Variants in CERS6 observed in about 807,000 individuals in gnomAD.
CERS6 encodes LAG1 homolog, ceramide synthase 6.
CERS6 carries 26 observed loss-of-function variants against 56.8 expected under a neutral mutation model. The observed-to-expected ratio is 0.46, with a 90% CI of 0.34 to 0.63. The LOEUF is 0.63. CERS6 is among the 30% of genes least tolerant of loss of function. The pLI, the probability that CERS6 is intolerant of heterozygous loss-of-function variation, is 0.01. For missense variants in CERS6, 415 were observed against 467.5 expected, an observed-to-expected ratio of 0.89 and a Z score of 1.04; for synonymous variants, 164 against 173.3, an observed-to-expected ratio of 0.95 and a Z score of 0.42.
chr2:168,668,601 C>T (rs1047465736), intron 4 of CERS6, among the ~76,000 whole-genome samples: 8 of 152,084 alleles, frequency 5.3e-5, no homozygotes, highest in African/African-American at 1.9e-4. Context: ...TACCTGCCAC[C>T]GTGCCCAGCC....
chr2:168,767,907 C>T (rs1431433670), intron 9 of CERS6, among the ~76,000 whole-genome samples: 3 of 152,164 alleles, frequency 2.0e-5, no homozygotes, highest in African/African-American at 7.2e-5. Context: ...GGGAGGCCAC[C>T]AGGTCTCTTT....
intron 8 of CERS6, among the ~76,000 whole-genome samples, chr2:168,723,955 C>CA (rs1489012237): frequency 6.6e-6 from 1 of 152,156 alleles, no homozygotes; most frequent in East Asian, 1.9e-4. Flanking sequence ...ATCAAATAAT[C>CA]AAATATTTAG....
At chr2:168,618,552 G>T (rs546235833) in intron 3 of CERS6, among the ~76,000 whole-genome samples, 10 of 152,226 alleles carry the variant, frequency 6.6e-5, no homozygotes, top group African/African-American at 2.4e-4. Flanking sequence ...CAAAATTAAT[G>T]TACACAAGTC....
intron 8 of CERS6, among the ~76,000 whole-genome samples, chr2:168,760,908 A>G (rs1684562531): frequency 6.6e-6 from 1 of 152,144 alleles, no homozygotes; most frequent in Non-Finnish European, 1.5e-5. Context: ...GGCGCCCGCC[A>G]CCACGCCCGG....
chr2:168,736,366 G>A (rs1313409838), intron 8 of CERS6, among the ~76,000 whole-genome samples: 10 of 152,016 alleles, frequency 6.6e-5, no homozygotes, highest in African/African-American at 1.9e-4. Flanking sequence ...TTGCTCTGTT[G>A]CCCAGGCTGG....
At chr2:168,764,224 G>A (rs1186821215) in intron 8 of CERS6, among the ~76,000 whole-genome samples, 2 of 151,884 alleles carry the variant, frequency 1.3e-5, no homozygotes, top group African/African-American at 2.4e-5. Context: ...CTCACTGCAA[G>A]CCCCACCTCC....
In CERS6 at chr2:168,691,042, G is replaced by GT. The variant is rs760752718; in HGVS notation, c.476dup (p.Leu159PhefsTer19). 6.2e-7 allele frequency: 1 copy of GT among 1,613,142 alleles called. No individual in the cohort carries two copies. Among genetic ancestry groups the GT allele is most frequent in the Admixed American group, 1.7e-5 (1 of 59,960 alleles). Reference sequence around the variant, plus strand: ...TTTGTCATTTTTTTCAGACCCCCTGGTTGTGGAATACGAGGCATTGCTGGT... The same window carrying GT: ...TTTGTCATTTTTTTCAGACCCCCTGGTTTGTGGAATACGAGGCATTGCTGGT... On this transcript the variant is annotated frameshift_variant, in exon 5 of 10. Transcript: ENST00000305747. LOFTEE classifies it high-confidence loss of function.
At chr2:168,507,840 C>T (rs898200470) in intron 1 of CERS6, among the ~76,000 whole-genome samples, 4 of 152,104 alleles carry the variant, frequency 2.6e-5, no homozygotes, top group African/African-American at 9.7e-5. Flanking sequence ...TCTTCTCTTC[C>T]TCCCTTCCTC....
chr2:168,521,151 A>G (rs981325652), intron 1 of CERS6, among the ~76,000 whole-genome samples: 1 of 152,180 alleles, frequency 6.6e-6, no homozygotes, highest in Non-Finnish European at 1.5e-5. Context: ...GAGACTGACA[A>G]CGCCGTACAG....
intron 4 of CERS6, among the ~76,000 whole-genome samples, chr2:168,658,000 C>T (rs753603553): frequency 8.5e-5 from 13 of 152,200 alleles, no homozygotes; most frequent in Non-Finnish European, 1.8e-4. Flanking sequence ...ACTGTCACCT[C>T]TCAATATAAT....
chr2:168,486,183 T>C lies in CERS6; in HGVS notation c.170+29565T>C, dbSNP rs115181248. ...GTCTGTTTAGATTTTTTGCCCATTCTTTCTTTAACTAGGTTGTTTTCTTAT... is the reference window on the plus strand; with the variant it reads ...GTCTGTTTAGATTTTTTGCCCATTCCTTCTTTAACTAGGTTGTTTTCTTAT... On this transcript the variant is annotated intron_variant, in intron 1 of 9. Transcript: ENST00000305747. 4.1e-3 allele frequency among the ~76,000 whole-genome samples: 620 copies of C among 152,326 alleles called. 3 individuals carry two copies. Among genetic ancestry groups the C allele is most frequent in the African/African-American group, 0.012 (494 of 41,588 alleles).
chr2:168,699,720 T>C (rs958882658), intron 6 of CERS6, among the ~76,000 whole-genome samples: 13 of 152,284 alleles, frequency 8.5e-5, no homozygotes, highest in African/African-American at 9.6e-5. Context: ...TTGGTACTTA[T>C]TTGGTCAGTG....
chr2:168,736,124 A>G lies in CERS6; in HGVS notation c.845+18146A>G, dbSNP rs554288633. Among the ~76,000 whole-genome samples, 37 of 152,320 alleles carry G rather than the reference A, an allele frequency of 2.4e-4. No individual in the cohort carries two copies. The South Asian group carries it at 6.0e-3, about 25-fold the overall frequency. On this transcript the variant is annotated intron_variant, in intron 8 of 9. Transcript: ENST00000305747. ...TAATTTACTCTTAGTAAACTTGATA[A>G]AATCAGCACTCTTCTCATACTTTTG...
At chr2:168,510,108 C>A (rs1431336604) in intron 1 of CERS6, among the ~76,000 whole-genome samples, 51 of 143,792 alleles carry the variant, frequency 3.5e-4, no homozygotes, top group South Asian at 1.1e-3. Flanking sequence ...AAAAAAAAAA[C>A]CAAGTTATCT....
At chr2:168,762,924 G>C (rs1251860847) in intron 8 of CERS6, among the ~76,000 whole-genome samples, 21 of 152,012 alleles carry the variant, frequency 1.4e-4, no homozygotes, top group Admixed American at 1.4e-3. Flanking sequence ...GCCCAGGCTG[G>C]AGTGCAGTGG....
chr2:168,695,749 A>G (rs1013932089), intron 6 of CERS6, among the ~76,000 whole-genome samples: 14 of 152,182 alleles, frequency 9.2e-5, no homozygotes, highest in Non-Finnish European at 4.4e-5. Flanking sequence ...ACAGGATGCC[A>G]TCTCCCTGGA....
At chr2:168,720,271 G>A (rs1194791897) in intron 8 of CERS6, among the ~76,000 whole-genome samples, 1 of 152,080 alleles carries the variant, frequency 6.6e-6, no homozygotes, top group Non-Finnish European at 1.5e-5. Flanking sequence ...ATATTAAAAT[G>A]TTTTGAGTAT....
intron 1 of CERS6, among the ~76,000 whole-genome samples, chr2:168,460,227 C>T (rs1693754469): frequency 1.3e-5 from 2 of 151,776 alleles, no homozygotes; most frequent in Admixed American, 1.3e-4. Flanking sequence ...CATGTTCTCC[C>T]TCCATCACCC....
intron 1 of CERS6, among the ~76,000 whole-genome samples, chr2:168,522,447 T>C (rs1694999224): frequency 6.6e-6 from 1 of 152,238 alleles, no homozygotes; most frequent in East Asian, 1.9e-4. Context: ...TGAACAATTT[T>C]CCCTGTTATT....
Sources: allele counts gnomAD v4.1 joint callset (sites outside exome capture counted in the v4.1 genomes callset), GRCh38; gene constraint gnomAD v4.1.1; transcripts MANE v1.5; gene names NCBI Gene and HGNC (gene_info 2026-07-23, HGNC 2026-07-21).